TPST2: variants seen among roughly 807,000 people sequenced by gnomAD.
TPST2 encodes the protein tyrosylprotein sulfotransferase 2.
A neutral mutation model predicts 27.8 loss-of-function variants in TPST2; 16 were observed. The observed-to-expected ratio is 0.58, with a 90% CI of 0.39 to 0.88. The LOEUF (loss-of-function observed/expected upper bound fraction) is 0.88. TPST2 is among the 40% of genes least tolerant of loss of function. TPST2 has a pLI of 0.00. For missense variants in TPST2, 464 were observed against 543.1 expected (o/e 0.85, Z 1.45); for synonymous variants, 229 against 231.7 (o/e 0.99, Z 0.10).
Position 26,550,247 on chromosome 22 carries a change from G to C in TPST2, c.-160-5572C>G, listed in dbSNP as rs75856566. ...TGCTCAAGATACTGGGATACATCAAGGGCAACAGACAAAGGTTCCTGCCTT... is the reference window on the plus strand; with the variant it reads ...TGCTCAAGATACTGGGATACATCAACGGCAACAGACAAAGGTTCCTGCCTT... On this transcript the variant is annotated intron_variant, in intron 1 of 6. Coordinates refer to ENST00000338754, the MANE Select transcript of TPST2 (RefSeq NM_003595.5). Among the ~76,000 whole-genome samples, 656 of 152,256 alleles carry C rather than the reference G, an allele frequency of 4.3e-3. 2 individuals carry two copies. Among genetic ancestry groups the C allele is most frequent in the African/African-American group, 0.015 (633 of 41,552 alleles).
At chr22:26,572,756 G>A (rs904039585) in intron 1 of TPST2, among the ~76,000 whole-genome samples, 60 of 152,202 alleles carry the variant, frequency 3.9e-4, no homozygotes, top group Non-Finnish European at 6.9e-4. Context: ...CGGGCTGGGA[G>A]GCATTGCAGT....
chr22:26,529,696 C>T (rs1019618719), intron 5 of TPST2, among the ~76,000 whole-genome samples: 31 of 152,196 alleles, frequency 2.0e-4, no homozygotes, highest in African/African-American at 6.5e-4. Context: ...CCTCACCCTA[C>T]GCTTCTTGCA....
chr22:26,560,967 G>A, intron 1 of TPST2: 1 of 1,610,020 alleles, frequency 6.2e-7, no homozygotes, highest in Non-Finnish European at 8.5e-7. Context: ...TGAAAAGAAG[G>A]CTGCGAAGCT....
At chr22:26,567,594 G>A (rs1166754350) in intron 1 of TPST2, among the ~76,000 whole-genome samples, 1 of 152,162 alleles carries the variant, frequency 6.6e-6, no homozygotes, top group Non-Finnish European at 1.5e-5. Flanking sequence ...TGACCTTGAG[G>A]CTTAAAATTC....
chr22:26,542,473 G>A (rs762824726), intron 2 of TPST2, among the ~76,000 whole-genome samples: 1 of 152,106 alleles, frequency 6.6e-6, no homozygotes, highest in Non-Finnish European at 1.5e-5. Context: ...TACCCCATCT[G>A]GCCCAAGAAT....
rs1259084137 is a variant in TPST2 at position 26,521,996 on chromosome 22, T to C, written c.*4279A>G. On this transcript the variant is annotated 3_prime_UTR_variant, in exon 7 of 7. Transcript: ENST00000338754. ...CATACATCCTGATGAGAAGATATGG[T>C]TGGTTCATCACAACCTTTTATTTCA... 1 of 152,186 alleles carries C rather than the reference T, an allele frequency of 6.6e-6. No homozygotes were observed. Among genetic ancestry groups the C allele is most frequent in the South Asian group, 2.1e-4 (1 of 4,832 alleles). The allele number at this position is 152,186 out of a possible 1,614,324, so 9.4% of individuals were successfully genotyped here.
intron 4 of TPST2, among the ~76,000 whole-genome samples, chr22:26,533,836 G>C (rs1047981044): frequency 9.2e-5 from 14 of 151,956 alleles, no homozygotes; most frequent in African/African-American, 3.4e-4. Context: ...CACCATGCCT[G>C]GCTAATATTC....
At chr22:26,589,815 C>A (rs1007462790) in intron 1 of TPST2, among the ~76,000 whole-genome samples, 1 of 152,206 alleles carries the variant, frequency 6.6e-6, no homozygotes, top group African/African-American at 2.4e-5. Context: ...GGATGCCGCA[C>A]CCCGCGGAAA....
chr22:26,533,318 G>C (rs562877776), intron 4 of TPST2, among the ~76,000 whole-genome samples: 1 of 152,168 alleles, frequency 6.6e-6, no homozygotes, highest in Non-Finnish European at 1.5e-5. Flanking sequence ...AGCTACTCCA[G>C]CCTCAGCTGG....
Position 26,577,328 on chromosome 22 carries a change from T to C in TPST2, c.-161+12725A>G, listed in dbSNP as rs146131662. Among the ~76,000 whole-genome samples, 18 of 149,116 alleles carry C rather than the reference T, an allele frequency of 1.2e-4. No homozygotes were observed. In the East Asian group the frequency reaches 3.4e-3, roughly 28 times the overall value. ...CTTACTGTGTGCCTGGGGGGTTTTC[T>C]ACACACTTTACAAATATTTGCTCTT... On this transcript the variant is annotated intron_variant, in intron 1 of 6. Transcript: ENST00000338754.
chr22:26,529,006 A>C (rs921972680), intron 5 of TPST2, among the ~76,000 whole-genome samples: 2 of 148,718 alleles, frequency 1.3e-5, no homozygotes, highest in South Asian at 2.1e-4. Flanking sequence ...AAAAACAAAA[A>C]AAAAACAAAA....
intron 1 of TPST2, among the ~76,000 whole-genome samples, chr22:26,554,171 C>T (rs999025463): frequency 7.9e-5 from 12 of 152,110 alleles, no homozygotes; most frequent in Non-Finnish European, 1.5e-4. Context: ...TATCTGATGC[C>T]GGAACCCAAG....
intron 1 of TPST2, among the ~76,000 whole-genome samples, chr22:26,575,000 G>C (rs1400483938): frequency 6.6e-6 from 1 of 152,152 alleles, no homozygotes; most frequent in Non-Finnish European, 1.5e-5. Context: ...TCCAGCAGGA[G>C]GACAGTCAAG....
intron 1 of TPST2, among the ~76,000 whole-genome samples, chr22:26,556,502 T>G (rs1306624673): frequency 6.6e-6 from 1 of 152,142 alleles, no homozygotes; most frequent in African/African-American, 2.4e-5. Context: ...ATCGCGTCAT[T>G]GCACCCTAGC....
chr22:26,534,596 G>A (rs1208049377), intron 4 of TPST2, among the ~76,000 whole-genome samples: 1 of 152,214 alleles, frequency 6.6e-6, no homozygotes, highest in African/African-American at 2.4e-5. Flanking sequence ...CACCTTTTAA[G>A]GAGACCCCAG....
intron 1 of TPST2, among the ~76,000 whole-genome samples, chr22:26,555,686 G>T (rs779975599): frequency 2.0e-5 from 3 of 152,238 alleles, no homozygotes; most frequent in South Asian, 2.1e-4. Flanking sequence ...ACAGACTGGG[G>T]TGTGCAGGAG....
At chr22:26,564,020 C>T (rs1346056648) in intron 1 of TPST2, among the ~76,000 whole-genome samples, 1 of 152,190 alleles carries the variant, frequency 6.6e-6, no homozygotes, top group Admixed American at 6.5e-5. Flanking sequence ...AAAGACCCTC[C>T]TGCCAGCAGT....
At chr22:26,580,197 G>C (rs886564118) in intron 1 of TPST2, among the ~76,000 whole-genome samples, 1 of 152,100 alleles carries the variant, frequency 6.6e-6, no homozygotes, top group African/African-American at 2.4e-5. Context: ...TGCTGCCCCT[G>C]CACTCCAGCT....
chr22:26,585,970 G>A (rs936923491), intron 1 of TPST2, among the ~76,000 whole-genome samples: 4 of 152,088 alleles, frequency 2.6e-5, no homozygotes, highest in South Asian at 2.1e-4. Flanking sequence ...GTGAACCCGG[G>A]AGGTAGAGCT....
Sources: gnomAD v4.1 joint callset for allele counts (sites outside exome capture counted in the v4.1 genomes callset) on GRCh38, gnomAD v4.1.1 for gene constraint, MANE v1.5 for transcripts, NCBI Gene and HGNC (gene_info 2026-07-23, HGNC 2026-07-21) for gene names.